Variants in GIT2 observed in about 807,000 individuals in gnomAD.
GIT2 encodes the protein GIT ArfGAP 2, also known as ARF GTPase-activating protein GIT2.
In GIT2, 32 loss-of-function variants were observed where a neutral mutation model predicts 100.3. The observed-to-expected ratio is 0.32, with a 90% CI of 0.24 to 0.43. The LOEUF is 0.43. Among genes scored for constraint, GIT2 ranks in the 20% least tolerant of loss-of-function variants. The probability of loss-of-function intolerance (pLI) is 1.00; values close to 1 mark genes in which losing one functional copy is unlikely to be tolerated. For missense variants in GIT2, 737 were observed against 975.1 expected, an observed-to-expected ratio of 0.76 and a Z score of 3.25; for synonymous variants, 353 against 364.1, an observed-to-expected ratio of 0.97 and a Z score of 0.35.
chr12:109,953,866 GAGCCT>G (rs1185973935), intron 12 of GIT2: 3 of 152,240 alleles, frequency 2.0e-5, no homozygotes, highest in Non-Finnish European at 2.9e-5. Context: ...TCTAGAGATA[GAGCCT>G]AGCTCCAGGT....
intron 16 of GIT2, among the ~76,000 whole-genome samples, chr12:109,943,785 G>A (rs1017066457): frequency 2.0e-5 from 3 of 151,210 alleles, no homozygotes; most frequent in Non-Finnish European, 2.9e-5. Context: ...CTCTCATGGT[G>A]GGCTCAAGTG....
chr12:109,976,283 A>AT (rs1187840816), intron 7 of GIT2, among the ~76,000 whole-genome samples: 5,385 of 134,892 alleles, frequency 0.04, 438 homozygotes, highest in African/African-American at 0.13. Flanking sequence ...CTACTAGATA[A>AT]TTTTTTTTTT....
chr12:109,968,278 G>A (rs184232499), intron 7 of GIT2, among the ~76,000 whole-genome samples: 62 of 151,882 alleles, frequency 4.1e-4, no homozygotes, highest in African/African-American at 1.5e-3. Flanking sequence ...CATTCTAATA[G>A]GTATGCTGTG....
At chr12:109,996,529 T>G, upstream of GIT2, 1 of 381,966 alleles carries the variant, frequency 2.6e-6, no homozygotes, top group Non-Finnish European at 4.8e-6. Context: ...CTGGCAGAGA[T>G]TCCCCTCGTC....
Position 109,983,364 on chromosome 12 carries a change from G to A in GIT2, c.623+9C>T. The stretch of plus-strand genomic sequence containing the variant: ...CCAGAGAGAAGTAGCGAGAATCTAG[G>A]TCTCTTACCTTGCATAATCAACGGG... On this transcript the variant is annotated intron_variant, in intron 6 of 19. Coordinates refer to ENST00000355312, the MANE Select transcript of GIT2 (RefSeq NM_057169.5). 6.2e-7 allele frequency: 1 copy of A among 1,611,082 alleles called. No individual in the cohort carries two copies. Among genetic ancestry groups the A allele is most frequent in the Non-Finnish European group, 8.5e-7 (1 of 1,178,960 alleles).
intron 18 of GIT2, among the ~76,000 whole-genome samples, chr12:109,935,311 A>G (rs905262737): frequency 5.3e-5 from 8 of 152,194 alleles, no homozygotes; most frequent in East Asian, 1.9e-4. Flanking sequence ...GAAAAAAGCA[A>G]TGTCCACAGC....
chr12:109,933,915 T>G lies in GIT2; in HGVS notation c.2067+107A>C, dbSNP rs1369241960. On this transcript the variant is annotated intron_variant, in intron 19 of 19. Transcript: ENST00000355312. This position sits in a 1 kb window ranked among gnomAD's most constrained non-coding sequence, Gnocchi z 4.5. ...CACACCCGGCCTCGACTGCATATTT[T>G]AAAACTGCATGTGCTACAAAAAAGC... 1 of 758,694 alleles carries G rather than the reference T, an allele frequency of 1.3e-6. No individual in the cohort carries two copies. Among genetic ancestry groups the G allele is most frequent in the Non-Finnish European group, 2.4e-6 (1 of 411,496 alleles). The allele number at this position is 758,694 out of a possible 1,614,324, so 47.0% of individuals were successfully genotyped here. A position where few individuals can be genotyped will look rare whatever the true frequency, so the allele number is the denominator to read the frequency against.
chr12:109,964,869 A>G (rs1163221426), intron 9 of GIT2, among the ~76,000 whole-genome samples: 1 of 152,168 alleles, frequency 6.6e-6, no homozygotes, highest in Non-Finnish European at 1.5e-5. Flanking sequence ...GACAAAGAGA[A>G]GTCAATCCCA....
At chr12:109,971,025 G>A (rs1376298052) in intron 7 of GIT2, among the ~76,000 whole-genome samples, 1 of 152,266 alleles carries the variant, frequency 6.6e-6, no homozygotes, top group East Asian at 1.9e-4. Flanking sequence ...GGCTCAAGTA[G>A]TCCTCCCGCC....
rs149480468 is a variant in GIT2 at position 109,953,173 on chromosome 12, G to A, written c.1161C>T (p.Asn387=). The part of the protein sequence containing the change: ...NNQHSVESQD[N]DQPDYDSVAS... The stretch of plus-strand genomic sequence containing the variant: ...CCACGCTGTCATAGTCGGGCTGATC[G>A]TTGTCTTGACTCTCAACGCTGTGCT... The change falls in exon 13 of 20, where the codon AAC becomes AAT. Residue 387 remains asparagine (N), a synonymous_variant. Coordinates refer to ENST00000355312, the MANE Select transcript of GIT2 (RefSeq NM_057169.5). 1.8e-5 allele frequency: 29 copies of A among 1,613,680 alleles called. No homozygotes were observed. Among genetic ancestry groups the A allele is most frequent in the East Asian group, 2.2e-5 (1 of 44,894 alleles).
intron 7 of GIT2, among the ~76,000 whole-genome samples, chr12:109,980,165 C>G (rs1380481127): frequency 6.6e-6 from 1 of 151,954 alleles, no homozygotes; most frequent in Non-Finnish European, 1.5e-5. Flanking sequence ...CCCTGAATTC[C>G]TGGGCTCAAG....
chr12:109,947,451 A>C lies in GIT2; in HGVS notation c.1446T>G (p.Asn482Lys), dbSNP rs748850717. Residue 482 changes from asparagine (N) to lysine (K), a missense_variant, in exon 15 of 20, where the codon AAT (asparagine) becomes AAG (lysine). Asn to Lys is a moderately conservative substitution (Grantham distance 94). Coordinates refer to ENST00000355312, the MANE Select transcript of GIT2 (RefSeq NM_057169.5). This position sits in a 1 kb window ranked among gnomAD's most constrained non-coding sequence, Gnocchi z 4.3. ...NSNLRKQATT[N>K]VYQVQTGSEY... ...CAGAACCAGTTTGCACCTGATATAC[A>C]TTGGTTGTGGCCTGTTTCCTGAGGT... 6.2e-7 allele frequency: 1 copy of C among 1,613,722 alleles called. No individual in the cohort carries two copies. Among genetic ancestry groups the C allele is most frequent in the East Asian group, 2.2e-5 (1 of 44,876 alleles).
Position 109,934,028 on chromosome 12 carries a change from G to T in GIT2, c.2061C>A (p.Phe687Leu). 6.5e-7 allele frequency: 1 copy of T among 1,541,784 alleles called. No homozygotes were observed. The highest frequency in any genetic ancestry group is 9.0e-7 in the Non-Finnish European group (1 of 1,114,144). ...TGAGTAGGAAGTGACTTACTTTGGG[G>T]AATAATGCTGCCATTTCTGTAACAG... ...HVAVTEMAALFPKKPKSDMVR... is the reference protein window; with the variant it reads ...HVAVTEMAALLPKKPKSDMVR... The change falls in exon 19 of 20, where the codon TTC becomes TTA. Residue 687 changes from phenylalanine to leucine, a missense_variant. Phe to Leu is a conservative substitution (Grantham distance 22). Transcript: ENST00000355312. This position sits in a 1 kb window ranked among gnomAD's most constrained non-coding sequence, Gnocchi z 4.5.
At chr12:109,987,340 C>T (rs2136909390) in intron 4 of GIT2, among the ~76,000 whole-genome samples, 1 of 151,942 alleles carries the variant, frequency 6.6e-6, no homozygotes, top group East Asian at 1.9e-4. Context: ...GCTGAGATCG[C>T]ACCACTGCAC....
chr12:109,977,492 T>A (rs1270906112), intron 7 of GIT2, among the ~76,000 whole-genome samples: 2 of 149,254 alleles, frequency 1.3e-5, no homozygotes, highest in African/African-American at 2.5e-5. Context: ...GCCTAGGCGA[T>A]GGAGTGAGAC....
intron 4 of GIT2, among the ~76,000 whole-genome samples, chr12:109,987,831 C>T (rs1159991218): frequency 1.3e-5 from 2 of 152,190 alleles, no homozygotes; most frequent in Non-Finnish European, 2.9e-5. Context: ...AAGCATTTAT[C>T]CAAGGCAGCG....
chr12:109,979,333 T>C (rs1266728825), intron 7 of GIT2, among the ~76,000 whole-genome samples: 1 of 140,966 alleles, frequency 7.1e-6, no homozygotes, highest in African/African-American at 2.7e-5. Flanking sequence ...TGGAGTGCAG[T>C]GGCGCAATCT....
At chr12:109,951,115 T>C (rs751643667) in intron 14 of GIT2, 52 bp downstream of exon 14, 20 of 1,499,208 alleles carry the variant, frequency 1.3e-5, no homozygotes, top group Non-Finnish European at 1.8e-5. Flanking sequence ...AGATTCTTCC[T>C]TGTACTATGG....
Position 109,932,931 on chromosome 12 carries a change from G to T in GIT2, c.*47C>A. 9.6e-7 allele frequency: 1 copy of T among 1,042,460 alleles called. No homozygotes were observed. Among genetic ancestry groups the T allele is most frequent in the Non-Finnish European group, 1.5e-6 (1 of 662,226 alleles). The allele number at this position is 1,042,460 out of a possible 1,614,324, so 64.6% of individuals were successfully genotyped here. ...GAGTTCTGCGTCTGAATTTGAAATTGGACTTTATAAAGCCTAGAAAACAGA... is the reference window on the plus strand; with the variant it reads ...GAGTTCTGCGTCTGAATTTGAAATTTGACTTTATAAAGCCTAGAAAACAGA... On this transcript the variant is annotated 3_prime_UTR_variant, in exon 20 of 20. Transcript: ENST00000355312.
Sources: allele counts gnomAD v4.1 joint callset (sites outside exome capture counted in the v4.1 genomes callset), GRCh38; gene constraint gnomAD v4.1.1; non-coding constraint Gnocchi (gnomAD v3.1); transcripts MANE v1.5; gene names NCBI Gene and HGNC (gene_info 2026-07-23, HGNC 2026-07-21).